The following RAB10 variants were observed in gnomAD, a reference collection of about 807,000 sequenced individuals.
RAB10 encodes RAB10, member RAS oncogene family.
Under a neutral mutation model 25.7 loss-of-function variants are expected in RAB10, and 5 were observed. The observed-to-expected ratio is 0.19, with a 90% confidence interval of 0.10 to 0.41. The LOEUF (loss-of-function observed/expected upper bound fraction) is 0.41. Among genes scored for constraint, RAB10 ranks in the 10% least tolerant of loss-of-function variants. The pLI, the probability that RAB10 is intolerant of heterozygous loss-of-function variation, is 1.00. For synonymous variants in RAB10, 89 were observed against 86.4 expected (o/e 1.03, Z -0.16); for missense variants, 103 against 245.8 (o/e 0.42, Z 3.89).
intron 1 of RAB10, among the ~76,000 whole-genome samples, chr2:26,038,910 G>A (rs1486231522): frequency 8.8e-6 from 1 of 113,008 alleles, no homozygotes; most frequent in East Asian, 2.5e-4. Context: ...GGGCAACAGA[G>A]CGAGACTCTG....
chr2:26,056,089 C>A (rs1420618824), intron 1 of RAB10, among the ~76,000 whole-genome samples: 2 of 151,874 alleles, frequency 1.3e-5, no homozygotes, highest in African/African-American at 4.8e-5. Context: ...TGAGATCTCT[C>A]TATGTTGTCT....
At chr2:26,038,643 C>T (rs1041327864) in intron 1 of RAB10, among the ~76,000 whole-genome samples, 9 of 151,790 alleles carry the variant, frequency 5.9e-5, no homozygotes, top group East Asian at 1.9e-4. Flanking sequence ...TACCATTGGG[C>T]GGGGCGCGAT....
At chr2:26,076,947 GAA>G (rs796845901) in intron 1 of RAB10, among the ~76,000 whole-genome samples, 1 of 98,674 alleles carries the variant, frequency 1.0e-5, no homozygotes, top group Non-Finnish European at 2.3e-5. Flanking sequence ...AAAAAAAAGA[GAA>G]AAAAAAAAAA....
chr2:26,093,453 T>C (rs1667149683), intron 1 of RAB10, among the ~76,000 whole-genome samples: 1 of 152,212 alleles, frequency 6.6e-6, no homozygotes. Flanking sequence ...TCTCATAATA[T>C]ATATTTAAGA....
chr2:26,110,414 C>T (rs1472891262), intron 3 of RAB10, among the ~76,000 whole-genome samples: 2 of 151,890 alleles, frequency 1.3e-5, no homozygotes, highest in Non-Finnish European at 2.9e-5. Context: ...ATCTAGAGCC[C>T]CATTCAAGAC....
At chr2:26,054,450 A>G (rs1270392735) in intron 1 of RAB10, among the ~76,000 whole-genome samples, 1 of 152,198 alleles carries the variant, frequency 6.6e-6, no homozygotes, top group Non-Finnish European at 1.5e-5. Context: ...TTGGCCTCCC[A>G]ACATGCTGGC....
chr2:26,131,260 A>G (rs1201336760), intron 5 of RAB10, among the ~76,000 whole-genome samples: 1 of 152,018 alleles, frequency 6.6e-6, no homozygotes, highest in East Asian at 1.9e-4. Context: ...AATACTAACC[A>G]TAGCTTGTAC....
At chr2:26,118,250 C>T (rs750459466) in intron 3 of RAB10, among the ~76,000 whole-genome samples, 2 of 152,088 alleles carry the variant, frequency 1.3e-5, no homozygotes, top group African/African-American at 2.4e-5. Flanking sequence ...GGATTACAGG[C>T]GTGAGCTACC....
intron 2 of RAB10, among the ~76,000 whole-genome samples, chr2:26,105,532 G>A (rs1178054036): frequency 6.6e-6 from 1 of 152,034 alleles, no homozygotes; most frequent in Non-Finnish European, 1.5e-5. Context: ...GCACACACCT[G>A]TAATCCCAGC....
intron 1 of RAB10, among the ~76,000 whole-genome samples, chr2:26,079,518 T>C (rs889968860): frequency 3.9e-5 from 6 of 152,136 alleles, no homozygotes; most frequent in African/African-American, 1.4e-4. Flanking sequence ...TCAATATAGA[T>C]ACGTAAATGT....
intron 3 of RAB10, among the ~76,000 whole-genome samples, chr2:26,119,887 G>T (rs1277650325): frequency 2.0e-5 from 3 of 152,212 alleles, no homozygotes; most frequent in East Asian, 3.8e-4. Context: ...CATGTATAAA[G>T]AATTATACCT....
intron 3 of RAB10, among the ~76,000 whole-genome samples, chr2:26,112,748 G>T (rs965560708): frequency 6.6e-6 from 1 of 152,138 alleles, no homozygotes; most frequent in Non-Finnish European, 1.5e-5. Flanking sequence ...GGGTGACAGA[G>T]TGAGACTCTG....
intron 1 of RAB10, among the ~76,000 whole-genome samples, chr2:26,086,869 C>T (rs1476379678): frequency 6.6e-6 from 1 of 152,176 alleles, no homozygotes; most frequent in Non-Finnish European, 1.5e-5. Context: ...AAGCCAGACA[C>T]AAAAGCTAAC....
chr2:26,101,945 T>A (rs1045541685), intron 2 of RAB10: 1 of 152,270 alleles, frequency 6.6e-6, no homozygotes, highest in Non-Finnish European at 1.5e-5. Context: ...AGAGATTTCC[T>A]CCAGGAACTC....
chr2:26,104,764 G>T (rs1309306633), intron 2 of RAB10, among the ~76,000 whole-genome samples: 1 of 147,146 alleles, frequency 6.8e-6, no homozygotes, highest in East Asian at 2.0e-4. Context: ...TTGAGATGGA[G>T]TCTTGCTCTG....
intron 1 of RAB10, among the ~76,000 whole-genome samples, chr2:26,070,682 A>G (rs1334560921): frequency 6.6e-6 from 1 of 152,222 alleles, no homozygotes; most frequent in Non-Finnish European, 1.5e-5. Context: ...GTAATTATAG[A>G]AACATTTGGA....
intron 1 of RAB10, among the ~76,000 whole-genome samples, chr2:26,086,616 A>C (rs766578249): frequency 6.6e-6 from 1 of 152,188 alleles, no homozygotes; most frequent in African/African-American, 2.4e-5. Context: ...AGAATTGAAA[A>C]CAGATACTCA....
At chr2:26,079,839 C>T (rs1666829731) in intron 1 of RAB10, among the ~76,000 whole-genome samples, 1 of 152,014 alleles carries the variant, frequency 6.6e-6, no homozygotes, top group Non-Finnish European at 1.5e-5. Flanking sequence ...CTAAATTTTG[C>T]ATTTTTTGTA....
At chr2:26,092,326 G>C (rs1445392941) in intron 1 of RAB10, among the ~76,000 whole-genome samples, 1 of 129,830 alleles carries the variant, frequency 7.7e-6, no homozygotes, top group Non-Finnish European at 1.6e-5. Flanking sequence ...TGTGTGTTGG[G>C]GTGGTTAATA....
Sources: allele counts gnomAD v4.1 joint callset (sites outside exome capture counted in the v4.1 genomes callset), GRCh38; gene constraint gnomAD v4.1.1; transcripts MANE v1.5; gene names NCBI Gene and HGNC (gene_info 2026-07-23, HGNC 2026-07-21).